Variants in ABCB4 observed in about 807,000 individuals in gnomAD.
The protein encoded by ABCB4 is phosphatidylcholine translocator ABCB4.
In ABCB4, 76 loss-of-function variants were observed where a neutral mutation model predicts 145.7. The ratio of observed to expected loss-of-function variants is 0.52; its 90% CI spans 0.43 to 0.63. The LOEUF is 0.63. Among genes scored for constraint, ABCB4 ranks in the 30% least tolerant of loss-of-function variants. The probability of loss-of-function intolerance (pLI) is 0.00; values close to 1 mark genes in which losing one functional copy is unlikely to be tolerated. For missense variants in ABCB4, 1,234 were observed against 1,553.1 expected, an observed-to-expected ratio of 0.79 and a Z score of 3.45; for synonymous variants, 517 against 566.8, an observed-to-expected ratio of 0.91 and a Z score of 1.25.
chr7:87,407,461 C>G (rs910367145), intron 25 of ABCB4, among the ~76,000 whole-genome samples: 2 of 152,212 alleles, frequency 1.3e-5, no homozygotes, highest in African/African-American at 2.4e-5. Context: ...TCCCAGGGCT[C>G]TGTCATGGGT....
chr7:87,462,677 T>A, intron 4 of ABCB4, 81 bp downstream of exon 4: 1 of 1,322,608 alleles, frequency 7.6e-7, no homozygotes, highest in East Asian at 2.3e-5. Flanking sequence ...AAGATGGTAA[T>A]GAATAGCAAA....
intron 3 of ABCB4, among the ~76,000 whole-genome samples, chr7:87,465,947 G>GA (rs1008565089): frequency 3.0e-4 from 45 of 152,144 alleles, no homozygotes; most frequent in African/African-American, 9.9e-4. Context: ...CAAAGATGGG[G>GA]AAAAAACAGA....
intron 3 of ABCB4, among the ~76,000 whole-genome samples, chr7:87,470,661 C>A (rs1244051312): frequency 1.3e-5 from 2 of 152,134 alleles, no homozygotes; most frequent in Non-Finnish European, 2.9e-5. Flanking sequence ...ATCAAAACCA[C>A]AATGAGATAC....
chr7:87,409,307 C>T lies in ABCB4; in HGVS notation c.3010G>A (p.Ala1004Thr), dbSNP rs771863019. 6.2e-7 allele frequency: 1 copy of T among 1,614,092 alleles called. No individual in the cohort carries two copies. The highest frequency in any genetic ancestry group is 1.1e-5 in the South Asian group (1 of 91,084). The change falls in exon 24 of 28, where the codon GCA becomes ACA. Residue 1004 changes from alanine (A) to threonine (T), a missense_variant. Ala to Thr is a moderately conservative substitution (Grantham distance 58, BLOSUM62 0). This residue lies in a region of ABCB4 where 301 missense variants were observed against 389.0 expected (regional missense o/e 0.77). Coordinates refer to ENST00000649586, the MANE Select transcript of ABCB4 (RefSeq NM_000443.4). ...TCAAACAGCATGAATAAGTGGGCTG[C>T]AGACAGCTTAGCTTTAGCATAGTCT... ...APDYAKAKLS[A>T]AHLFMLFERQ...
chr7:87,463,051 T>C (rs1394354344), intron 3 of ABCB4, 143 bp from the exon 4 acceptor site: 2 of 681,446 alleles, frequency 2.9e-6, no homozygotes, highest in Non-Finnish European at 5.0e-6. Context: ...GGCCTTCAAA[T>C]CATTAACAAC....
chr7:87,456,827 C>G (rs1366932333), intron 4 of ABCB4, among the ~76,000 whole-genome samples: 1 of 151,890 alleles, frequency 6.6e-6, no homozygotes, highest in Admixed American at 6.6e-5. Flanking sequence ...CCAGAGTCCC[C>G]GGGGAAACTC....
chr7:87,395,072 G>A, the ABCB4 span, among the ~76,000 whole-genome samples: 1 of 152,116 alleles, frequency 6.6e-6, no homozygotes, highest in Non-Finnish European at 1.5e-5. Context: ...GAACTAATAG[G>A]ATATTTAAGA....
the ABCB4 span, among the ~76,000 whole-genome samples, chr7:87,379,659 G>A: frequency 8.5e-5 from 13 of 152,116 alleles, no homozygotes; most frequent in East Asian, 1.9e-4. Context: ...TATAGTGTGC[G>A]GACATGTTTT....
At chr7:87,457,637 A>G (rs900198658) in intron 4 of ABCB4, among the ~76,000 whole-genome samples, 5 of 152,178 alleles carry the variant, frequency 3.3e-5, no homozygotes. Flanking sequence ...TTGATCATTT[A>G]CTATGTTCCA....
chr7:87,412,281 G>T (rs560280155), intron 22 of ABCB4, among the ~76,000 whole-genome samples: 12 of 152,292 alleles, frequency 7.9e-5, no homozygotes, highest in Admixed American at 6.5e-5. Context: ...TTCCTCAAAT[G>T]ATAACTGATA....
chr7:87,435,176 A>C (rs1406866638), intron 14 of ABCB4, among the ~76,000 whole-genome samples: 2 of 152,192 alleles, frequency 1.3e-5, no homozygotes, highest in Admixed American at 6.5e-5. Flanking sequence ...TAACTGATTG[A>C]TTGGTATCTT....
the ABCB4 span, chr7:87,382,645 T>C: frequency 1.7e-6 from 2 of 1,210,094 alleles, no homozygotes; most frequent in South Asian, 1.5e-5. Context: ...TGCTCACTTT[T>C]TTCCCAGCTG....
At chr7:87,369,168 C>T in the ABCB4 span, among the ~76,000 whole-genome samples, 1 of 152,156 alleles carries the variant, frequency 6.6e-6, no homozygotes, top group Non-Finnish European at 1.5e-5. Flanking sequence ...TTCTAGATGT[C>T]TCACATGGAA....
chr7:87,418,603 A>T lies in ABCB4; in HGVS notation c.2412T>A (p.Asp804Glu), dbSNP rs773015107. The T allele has an allele frequency of 3.1e-6, 5 of 1,614,184 alleles. No homozygotes were observed. In the South Asian group the frequency reaches 5.5e-5, roughly 18 times the overall value. ...AMLRQDMSWF[D>E]DHKNSTGALS... ...GTGCACCAGTACTGTTTTTATGGTC[A>T]TCAAACCAGCTCATGTCCTATGGCA... Residue 804 changes from aspartate (D) to glutamate (E), a missense_variant, in exon 20 of 28, where the codon GAT (aspartate) becomes GAA (glutamate). Physicochemically the swap from Asp to Glu is conservative, Grantham distance 45. Transcript: ENST00000649586.
the ABCB4 span, chr7:87,375,849 C>T: frequency 1.2e-6 from 2 of 1,613,504 alleles, no homozygotes; most frequent in South Asian, 2.2e-5. Context: ...TCTGATTGGT[C>T]TTGATCCAGA....
At chr7:87,398,384 T>C (rs1807619408), downstream of ABCB4, 1 of 990,930 alleles carries the variant, frequency 1.0e-6, no homozygotes, top group Non-Finnish European at 1.6e-6. Context: ...CCTTCAATTG[T>C]GTCAGGTTAC....
In ABCB4 at chr7:87,439,721, G is replaced by A; in HGVS notation, c.1677C>T (p.Ala559=). The A allele has an allele frequency of 6.2e-7, 1 of 1,614,102 alleles. No homozygotes were observed. The highest frequency in any genetic ancestry group is 1.1e-5 in the South Asian group (1 of 91,074). The change falls in exon 14 of 28, where the codon GCC becomes GCT. Residue 559 remains alanine (A), a synonymous_variant. Transcript: ENST00000649586. ...RNPKILLLDE[A]TSALDTESEA... is the part of the protein sequence containing the mutation. ...CACTTTCTGTGTCCAATGCTGACGT[G>A]GCCTCATCCAGCAGAAGGATCTTGG...
chr7:87,382,538 T>C, the ABCB4 span: 9 of 1,613,228 alleles, frequency 5.6e-6, no homozygotes, highest in East Asian at 1.1e-4. Context: ...ACAGACTTCA[T>C]GGACAGTAAG....
chr7:87,418,137 T>G (rs973179188), intron 20 of ABCB4, among the ~76,000 whole-genome samples: 17 of 152,162 alleles, frequency 1.1e-4, no homozygotes, highest in Admixed American at 7.9e-4. Flanking sequence ...CTGGAGACAG[T>G]GGTTCAGGGT....
Sources: gnomAD v4.1 joint callset for allele counts (sites outside exome capture counted in the v4.1 genomes callset) on GRCh38, gnomAD v4.1.1 for gene constraint, gnomAD v4.1.1 regional missense constraint, MANE v1.5 for transcripts, NCBI Gene and HGNC (gene_info 2026-07-23, HGNC 2026-07-21) for gene names.